The following DPY19L1 variants were observed in gnomAD, a reference collection of about 807,000 sequenced individuals.
DPY19L1 encodes the protein dpy-19 like C-mannosyltransferase 1.
A neutral mutation model predicts 96.9 loss-of-function variants in DPY19L1; 35 were observed. The ratio of observed to expected loss-of-function variants is 0.36; its 90% CI spans 0.28 to 0.48. The LOEUF (loss-of-function observed/expected upper bound fraction) is 0.48, where lower values mean the gene tolerates loss of function less well. DPY19L1 is among the 20% of genes least tolerant of loss of function. The probability of loss-of-function intolerance (pLI) is 0.99; values close to 1 mark genes in which losing one functional copy is unlikely to be tolerated. For missense variants in DPY19L1, 521 were observed against 777.9 expected (o/e 0.67, Z 3.93); for synonymous variants, 205 against 252.6 (o/e 0.81, Z 1.79).
intron 1 of DPY19L1, among the ~76,000 whole-genome samples, chr7:35,028,846 T>C (rs1017512236): frequency 7.9e-5 from 12 of 152,246 alleles, no homozygotes; most frequent in Non-Finnish European, 1.3e-4. Context: ...CTCCCCTTTT[T>C]AGACCATATA....
intron 18 of DPY19L1, among the ~76,000 whole-genome samples, chr7:34,941,176 C>T (rs745361353): frequency 2.0e-5 from 3 of 152,064 alleles, no homozygotes; most frequent in African/African-American, 4.8e-5. Flanking sequence ...CTATCTGCTA[C>T]GTCTAAGGGA....
At chr7:34,966,639 T>A (rs1280931446) in intron 10 of DPY19L1, among the ~76,000 whole-genome samples, 1 of 152,174 alleles carries the variant, frequency 6.6e-6, no homozygotes, top group Non-Finnish European at 1.5e-5. Flanking sequence ...ATCAGCCCCA[T>A]GTTTCCGTTT....
intron 7 of DPY19L1, among the ~76,000 whole-genome samples, chr7:34,983,730 T>C (rs1350180673): frequency 6.6e-6 from 1 of 151,978 alleles, no homozygotes; most frequent in Non-Finnish European, 1.5e-5. Flanking sequence ...AGATAGTATT[T>C]TTTAAAAGTT....
chr7:35,008,976 C>T (rs1249091657), intron 6 of DPY19L1, among the ~76,000 whole-genome samples: 1 of 152,192 alleles, frequency 6.6e-6, no homozygotes, highest in African/African-American at 2.4e-5. Context: ...TTCCCTGCAT[C>T]TTGTTTCAAA....
rs560026273 is a variant in DPY19L1 at position 34,953,387 on chromosome 7, A to T, written c.1320+1311T>A. On this transcript the variant is annotated intron_variant, in intron 13 of 21. Transcript: ENST00000638088. ...CCTGAATTAATACCTTAACTGGTTC[A>T]TGTTCCCCCAGTGAGTAAAACAGAT... is the stretch of plus-strand genomic sequence containing the variant. 5.3e-5 allele frequency among the ~76,000 whole-genome samples: 8 copies of T among 152,286 alleles called. No individual in the cohort carries two copies. In the South Asian group the frequency reaches 1.7e-3, roughly 32 times the overall value.
intron 21 of DPY19L1, among the ~76,000 whole-genome samples, chr7:34,934,566 G>A (rs1049352778): frequency 1.1e-4 from 17 of 152,104 alleles, no homozygotes; most frequent in Admixed American, 8.5e-4. Flanking sequence ...CTAGAGCAGC[G>A]GTCCCCGGTC....
intron 20 of DPY19L1, 131 bp downstream of exon 20, chr7:34,939,145 T>G: frequency 2.6e-6 from 2 of 757,138 alleles, no homozygotes; most frequent in Non-Finnish European, 2.0e-6. Flanking sequence ...TTCAGCTTTC[T>G]GCTCCCTGAC....
At chr7:34,990,061 C>T in intron 6 of DPY19L1, 120 bp from the exon 7 acceptor site, 1 of 528,024 alleles carries the variant, frequency 1.9e-6, no homozygotes, top group Non-Finnish European at 3.2e-6. Context: ...CATACTAGAA[C>T]TCTCCTATGC....
upstream of DPY19L1, chr7:35,037,826 C>T: frequency 2.4e-6 from 3 of 1,229,220 alleles, no homozygotes; most frequent in Non-Finnish European, 2.0e-6. Flanking sequence ...ACCTCTTCGG[C>T]GCCCGCGCGG....
intron 6 of DPY19L1, among the ~76,000 whole-genome samples, chr7:34,992,801 TA>T (rs527895179): frequency 7.3e-4 from 106 of 144,764 alleles, no homozygotes; most frequent in Middle Eastern, 3.6e-3. Flanking sequence ...ATACTCTCTG[TA>T]AAAAAAAAAA....
At chr7:35,002,077 A>G (rs1378398688) in intron 6 of DPY19L1, among the ~76,000 whole-genome samples, 1 of 150,386 alleles carries the variant, frequency 6.6e-6, no homozygotes, top group Non-Finnish European at 1.5e-5. Context: ...CAGTGAGTCA[A>G]GATCGTGCCA....
At chr7:34,997,609 C>CAAAAAAAA (rs3048611) in intron 6 of DPY19L1, among the ~76,000 whole-genome samples, 3 of 75,662 alleles carry the variant, frequency 4.0e-5, no homozygotes, top group Admixed American at 2.5e-4. Flanking sequence ...GACTCCGTCT[C>CAAAAAAAA]AAAAAAAAAA....
chr7:34,968,491 C>T (rs1047759478), intron 9 of DPY19L1, among the ~76,000 whole-genome samples: 18 of 152,244 alleles, frequency 1.2e-4, no homozygotes, highest in African/African-American at 4.1e-4. Context: ...TAAAAAGCAG[C>T]CAGGCGCAGT....
At chr7:34,939,495 C>T in intron 19 of DPY19L1, 120 bp from the exon 20 acceptor site, 1 of 731,420 alleles carries the variant, frequency 1.4e-6, no homozygotes, top group Non-Finnish European at 2.2e-6. Context: ...TTCATGACTT[C>T]AAGATTCAAT....
intron 1 of DPY19L1, among the ~76,000 whole-genome samples, chr7:35,022,685 T>C (rs578003041): frequency 4.1e-4 from 63 of 152,376 alleles, no homozygotes; most frequent in African/African-American, 1.5e-3. Context: ...GCTGAATTAA[T>C]GCATAAAGCT....
chr7:34,929,452 C>A lies in DPY19L1; in HGVS notation c.*2121G>T, dbSNP rs1413415590. The A allele has an allele frequency of 6.6e-6, 1 of 152,118 alleles. No individual in the cohort carries two copies. Among genetic ancestry groups the A allele is most frequent in the Non-Finnish European group, 1.5e-5 (1 of 68,034 alleles). 9.4% of individuals were successfully genotyped at this position (152,118 alleles called of 1,614,324 possible). ...CTAATTTATATTACTTTTAATGGTT[C>A]CCAGCAAATGAAGCAGTTATAATAG... On this transcript the variant is annotated 3_prime_UTR_variant, in exon 22 of 22. Coordinates refer to ENST00000638088, the MANE Select transcript of DPY19L1 (RefSeq NM_001366673.1).
At chr7:35,027,263 C>T (rs1211857242) in intron 1 of DPY19L1, among the ~76,000 whole-genome samples, 1 of 151,980 alleles carries the variant, frequency 6.6e-6, no homozygotes, top group Admixed American at 6.6e-5. Flanking sequence ...ATCCCTAGCA[C>T]TTAACGACCT....
chr7:34,994,660 C>T (rs1490484905), intron 6 of DPY19L1, among the ~76,000 whole-genome samples: 5 of 151,822 alleles, frequency 3.3e-5, no homozygotes, highest in African/African-American at 7.3e-5. Context: ...AAAAATTAGC[C>T]GGGCGTGGTG....
intron 14 of DPY19L1, among the ~76,000 whole-genome samples, chr7:34,948,626 TCA>T (rs1334174206): frequency 6.6e-6 from 1 of 152,256 alleles, no homozygotes; most frequent in African/African-American, 2.4e-5. Context: ...TTTAATACTC[TCA>T]GACTGTAGCA....
Sources: allele counts gnomAD v4.1 joint callset (sites outside exome capture counted in the v4.1 genomes callset), GRCh38; gene constraint gnomAD v4.1.1; transcripts MANE v1.5; gene names NCBI Gene and HGNC (gene_info 2026-07-23, HGNC 2026-07-21).